RBFOX2: variants seen among roughly 807,000 people sequenced by gnomAD.
RBFOX2 encodes the protein RNA binding fox-1 homolog 2, also known as RNA binding protein fox-1 homolog 2.
RBFOX2 carries 10 observed loss-of-function variants against 49.1 expected under a neutral mutation model. The observed-to-expected ratio is 0.20, with a 90% CI of 0.13 to 0.35. RBFOX2 has a LOEUF of 0.35. Among genes scored for constraint, RBFOX2 ranks in the 10% least tolerant of loss-of-function variants. The pLI is 1.00. For synonymous variants in RBFOX2, 183 were observed against 187.4 expected (o/e 0.98, Z 0.19); for missense variants, 323 against 486.9 (o/e 0.66, Z 3.17).
intron 6 of RBFOX2, among the ~76,000 whole-genome samples, chr22:35,761,830 A>C (rs569226652): frequency 6.6e-6 from 1 of 152,186 alleles, no homozygotes; most frequent in South Asian, 2.1e-4. Context: ...GGCCGACTAT[A>C]TGTCACTCTG....
At chr22:35,787,100 G>A (rs1946567928) in intron 2 of RBFOX2, among the ~76,000 whole-genome samples, 1 of 151,998 alleles carries the variant, frequency 6.6e-6, no homozygotes, top group African/African-American at 2.4e-5. Context: ...AGTGCAGTGT[G>A]GCAATCTCAG....
intron 6 of RBFOX2, among the ~76,000 whole-genome samples, chr22:35,763,880 G>C (rs934520721): frequency 3.3e-5 from 5 of 152,132 alleles, no homozygotes; most frequent in Admixed American, 2.6e-4. Context: ...CCACTGTCAC[G>C]GAGTAAATAA....
At chr22:35,970,094 A>G (rs180898582) in intron 1 of RBFOX2, among the ~76,000 whole-genome samples, 2 of 152,314 alleles carry the variant, frequency 1.3e-5, no homozygotes, top group Non-Finnish European at 2.9e-5. Flanking sequence ...TCACAGTGAG[A>G]AAGATCCTAC....
chr22:36,025,954 T>C (rs982159111), intron 1 of RBFOX2, among the ~76,000 whole-genome samples: 24 of 152,224 alleles, frequency 1.6e-4, no homozygotes, highest in African/African-American at 5.8e-4. Flanking sequence ...CATAGGGGAA[T>C]GGACCTACAA....
chr22:35,812,287 A>AC (rs1252545652), intron 1 of RBFOX2, among the ~76,000 whole-genome samples: 2 of 151,380 alleles, frequency 1.3e-5, no homozygotes, highest in African/African-American at 2.4e-5. Flanking sequence ...AAAAAAAAAA[A>AC]CCCCTCTCTT....
chr22:35,793,790 C>T (rs1014060471), intron 2 of RBFOX2, among the ~76,000 whole-genome samples: 3 of 152,154 alleles, frequency 2.0e-5, no homozygotes, highest in African/African-American at 7.2e-5. Context: ...GAGTCTAATC[C>T]TGTTTGGGCA....
At position 35,934,083 on chromosome 22, in the gene RBFOX2, G is replaced by A. The variant is rs947903095; in HGVS notation, c.-34+4764C>T. Among the ~76,000 whole-genome samples, 6 of 150,942 alleles carry A rather than the reference G, an allele frequency of 4.0e-5. No homozygotes were observed. The East Asian group carries it at 5.8e-4, about 15-fold the overall frequency. On this transcript the variant is annotated intron_variant, in intron 1 of 13. Coordinates refer to the RBFOX2 transcript ENST00000359369. ...GTGGGCAGGATAACTGTAAAAGACC[G>A]GGCAAGAAGGGAAAACCATACAAAT...
intron 1 of RBFOX2, among the ~76,000 whole-genome samples, chr22:35,914,171 T>A (rs1229173842): frequency 1.3e-5 from 2 of 152,194 alleles, no homozygotes; most frequent in East Asian, 3.9e-4. Context: ...CTTCCTTAAG[T>A]GACCTTGGGC....
chr22:35,762,580 C>T (rs1939320589), intron 6 of RBFOX2, among the ~76,000 whole-genome samples: 1 of 148,538 alleles, frequency 6.7e-6, no homozygotes, highest in Non-Finnish European at 1.5e-5. Flanking sequence ...AGTTTCGGCT[C>T]ACCACAACCT....
chr22:35,786,612 T>G (rs902984050), intron 2 of RBFOX2, among the ~76,000 whole-genome samples: 10 of 152,212 alleles, frequency 6.6e-5, no homozygotes, highest in Admixed American at 6.5e-5. Context: ...CCTCCCAAAG[T>G]GCTGGGATTA....
Position 35,868,578 on chromosome 22 carries a change from T to C in RBFOX2, c.-33-58574A>G, listed in dbSNP as rs190295660. On this transcript the variant is annotated intron_variant, in intron 1 of 13. Coordinates refer to the RBFOX2 transcript ENST00000359369. ...CAGCCTGGACAACATAGTCAGGCCC[T>C]GTCTCTATTTTAAAAAAAAAAAAAT... 2.0e-5 allele frequency among the ~76,000 whole-genome samples: 3 copies of C among 152,144 alleles called. No homozygotes were observed. In the East Asian group the frequency reaches 5.8e-4, roughly 29 times the overall value.
intron 1 of RBFOX2, among the ~76,000 whole-genome samples, chr22:35,968,151 C>T (rs1159400546): frequency 6.6e-6 from 1 of 151,980 alleles, no homozygotes; most frequent in East Asian, 1.9e-4. Context: ...AAAAAGAGTC[C>T]CAGTGGGTTA....
intron 1 of RBFOX2, among the ~76,000 whole-genome samples, chr22:35,823,117 G>C (rs1156803576): frequency 2.6e-5 from 4 of 152,156 alleles, no homozygotes; most frequent in African/African-American, 7.2e-5. Flanking sequence ...CACCGCATCC[G>C]GCCTTGTTTT....
At chr22:35,873,975 A>G (rs1418260226) in intron 1 of RBFOX2, among the ~76,000 whole-genome samples, 1 of 152,186 alleles carries the variant, frequency 6.6e-6, no homozygotes, top group Non-Finnish European at 1.5e-5. Flanking sequence ...GCGCCCGGCC[A>G]TAACTACTTC....
At chr22:35,962,322 C>T (rs531416879), upstream of RBFOX2, among the ~76,000 whole-genome samples, 13 of 152,326 alleles carry the variant, frequency 8.5e-5, no homozygotes, top group African/African-American at 2.9e-4. Context: ...CTGGGTCCAA[C>T]TTTCCATCCA....
intron 1 of RBFOX2, among the ~76,000 whole-genome samples, chr22:35,849,620 A>G (rs2041671721): frequency 6.6e-6 from 1 of 152,164 alleles, no homozygotes; most frequent in South Asian, 2.1e-4. Context: ...CATACATAGC[A>G]AAAGGGAAAA....
chr22:35,978,721 C>G (rs938807581), intron 1 of RBFOX2, among the ~76,000 whole-genome samples: 6 of 152,162 alleles, frequency 3.9e-5, no homozygotes, highest in Admixed American at 3.3e-4. Flanking sequence ...AAATGGACTA[C>G]AGCCCACTGA....
intron 2 of RBFOX2, among the ~76,000 whole-genome samples, chr22:35,788,564 CACAGA>C (rs1339954977): frequency 6.6e-6 from 1 of 152,022 alleles, no homozygotes; most frequent in East Asian, 1.9e-4. Flanking sequence ...TTTGGCTGGT[CACAGA>C]ATTATAGGTT....
chr22:35,867,975 C>A (rs1419464673), intron 1 of RBFOX2, among the ~76,000 whole-genome samples: 1 of 152,124 alleles, frequency 6.6e-6, no homozygotes, highest in Non-Finnish European at 1.5e-5. Flanking sequence ...CTTTGGGAGG[C>A]TGAGGTGGGA....
Sources: allele counts gnomAD v4.1 joint callset (sites outside exome capture counted in the v4.1 genomes callset), GRCh38; gene constraint gnomAD v4.1.1; transcripts MANE v1.5; gene names NCBI Gene and HGNC (gene_info 2026-07-23, HGNC 2026-07-21).